ZNF827: variants seen among roughly 807,000 people sequenced by gnomAD.
ZNF827 encodes zinc finger protein 827.
A neutral mutation model predicts 102.4 loss-of-function variants in ZNF827; 13 were observed. The observed-to-expected ratio is 0.13, with a 90% CI of 0.08 to 0.20. ZNF827 has a LOEUF of 0.20. ZNF827 is among the 10% of genes least tolerant of loss of function. ZNF827 has a pLI of 1.00. For missense variants in ZNF827, 1,103 were observed against 1,344.4 expected (o/e 0.82, Z 2.81); for synonymous variants, 523 against 536.2 (o/e 0.98, Z 0.34).
At chr4:145,921,222 A>G (rs1753040095) in intron 1 of ZNF827, among the ~76,000 whole-genome samples, 1 of 152,238 alleles carries the variant, frequency 6.6e-6, no homozygotes, top group Admixed American at 6.5e-5. Flanking sequence ...CAGAACAGAT[A>G]GTTCAGTACG....
intron 1 of ZNF827, among the ~76,000 whole-genome samples, chr4:145,929,636 T>C (rs1030230838): frequency 6.6e-6 from 1 of 151,976 alleles, no homozygotes; most frequent in Non-Finnish European, 1.5e-5. Context: ...CTCACCACAC[T>C]AATGAGATAT....
chr4:145,860,230 C>G (rs1229379625), intron 5 of ZNF827, among the ~76,000 whole-genome samples: 1 of 152,198 alleles, frequency 6.6e-6, no homozygotes, highest in East Asian at 1.9e-4. Flanking sequence ...CTCTTCTTCT[C>G]AGTAATCCTT....
chr4:145,865,288 T>G (rs768002368), intron 5 of ZNF827, among the ~76,000 whole-genome samples: 4 of 152,224 alleles, frequency 2.6e-5, no homozygotes, highest in South Asian at 2.1e-4. Flanking sequence ...AAAAAGAATC[T>G]TCACTGAAGA....
At chr4:145,826,039 G>A (rs559119642) in intron 7 of ZNF827, among the ~76,000 whole-genome samples, 26 of 152,342 alleles carry the variant, frequency 1.7e-4, no homozygotes, top group Admixed American at 4.6e-4. Context: ...GCTACAGAGA[G>A]AAGATATTAG....
intron 1 of ZNF827, among the ~76,000 whole-genome samples, chr4:145,937,742 AGCC>A (rs1561098410): frequency 1.8e-5 from 2 of 111,142 alleles, no homozygotes; most frequent in Non-Finnish European, 1.8e-5. Context: ...CTCCTGCTCC[AGCC>A]GCCGCCGCCG....
chr4:145,921,218 A>G lies in ZNF827; in HGVS notation c.43+17147T>C, dbSNP rs967707648. Among the ~76,000 whole-genome samples the G allele has an allele frequency of 2.6e-4, 39 of 152,360 alleles. No homozygotes were observed. The East Asian group carries it at 5.2e-3, about 20-fold the overall frequency. On this transcript the variant is annotated intron_variant, in intron 1 of 14. Transcript: ENST00000508784. ...GAGGTATAAGTATGATTTGCAGAAC[A>G]GATAGTTCAGTACGAATAAAACAAG... is the stretch of plus-strand genomic sequence containing the variant.
Position 145,908,142 on chromosome 4 carries a change from G to C in ZNF827, c.44-4927C>G, listed in dbSNP as rs528421327. ...ATCTCAGAGCATCCTCGTTCAGAAA[G>C]ATTGTGAGTGCACAGTGAAAAAAAT... On this transcript the variant is annotated intron_variant, in intron 1 of 14. Coordinates refer to ENST00000508784, the MANE Select transcript of ZNF827 (RefSeq NM_001306215.2). Among the ~76,000 whole-genome samples, 44 of 152,098 alleles carry C rather than the reference G, an allele frequency of 2.9e-4. No individual in the cohort carries two copies. In the South Asian group the frequency reaches 5.4e-3, roughly 19 times the overall value.
Position 145,760,997 on chromosome 4 carries a change from G to A in ZNF827, c.*619C>T, listed in dbSNP as rs1359674439. The A allele has an allele frequency of 1.6e-6, 2 of 1,263,102 alleles. No homozygotes were observed. Among genetic ancestry groups the A allele is most frequent in the Non-Finnish European group, 2.1e-6 (2 of 974,938 alleles). 78.2% of individuals were successfully genotyped at this position (1,263,102 alleles called of 1,614,324 possible). On this transcript the variant is annotated 3_prime_UTR_variant, in exon 15 of 15. Coordinates refer to ENST00000508784, the MANE Select transcript of ZNF827 (RefSeq NM_001306215.2). ...GAGCCGTTGAAGGCCAAAGCCTTGAGTGCCAGGTTGGGCTCTGAGCTGCTG... is the reference window on the plus strand; with the variant it reads ...GAGCCGTTGAAGGCCAAAGCCTTGAATGCCAGGTTGGGCTCTGAGCTGCTG...
At chr4:145,882,890 A>AGCC (rs1300424893) in intron 4 of ZNF827, among the ~76,000 whole-genome samples, 1 of 152,196 alleles carries the variant, frequency 6.6e-6, no homozygotes, top group East Asian at 1.9e-4. Context: ...GCCCGAGACT[A>AGCC]GCCACTACTT....
intron 5 of ZNF827, among the ~76,000 whole-genome samples, chr4:145,857,009 ACT>A (rs1330217552): frequency 6.7e-6 from 1 of 148,430 alleles, no homozygotes; most frequent in African/African-American, 2.5e-5. Context: ...ACACACACAC[ACT>A]CTTATTCTTA....
chr4:145,809,166 T>C (rs758002786), intron 8 of ZNF827, among the ~76,000 whole-genome samples: 1 of 152,236 alleles, frequency 6.6e-6, no homozygotes, highest in Non-Finnish European at 1.5e-5. Flanking sequence ...AATATCCTCA[T>C]GATAGAAACT....
chr4:145,870,523 C>T (rs1301364748), intron 4 of ZNF827, 45 bp from the exon 5 acceptor site: 2 of 1,544,816 alleles, frequency 1.3e-6, no homozygotes, highest in East Asian at 4.5e-5. Flanking sequence ...AAAGGCCACT[C>T]CCCTCCTTAG....
intron 7 of ZNF827, among the ~76,000 whole-genome samples, chr4:145,833,850 A>AT (rs1416180346): frequency 2.0e-5 from 3 of 148,662 alleles, no homozygotes; most frequent in Admixed American, 2.0e-4. Flanking sequence ...CCTTATTTCC[A>AT]TGCCCTGACC....
intron 4 of ZNF827, among the ~76,000 whole-genome samples, chr4:145,878,294 T>G (rs1749330640): frequency 6.6e-6 from 1 of 152,020 alleles, no homozygotes; most frequent in African/African-American, 2.4e-5. Context: ...GTTCCAATTA[T>G]CAGACCCCAG....
Position 145,823,463 on chromosome 4 carries a change from A to C in ZNF827, c.2342T>G (p.Leu781Arg). Residue 781 changes from leucine (L) to arginine (R), a missense_variant, in exon 8 of 15, where the codon CTG (leucine) becomes CGG (arginine). Around this residue, in one of 5 missense-constraint regions of ZNF827, gnomAD observed 243 missense variants for 251.6 expected, o/e 0.97. Transcript: ENST00000508784. Reference sequence around the variant, plus strand: ...TCCGTGCAGCACGGAGTCACTGGGCAGCAGTTCTTTTGAATTGGAGGTGAA... The same window carrying C: ...TCCGTGCAGCACGGAGTCACTGGGCCGCAGTTCTTTTGAATTGGAGGTGAA... ...SPFTSNSKEL[L>R]PSDSVLHGRI... 6.2e-7 allele frequency: 1 copy of C among 1,610,004 alleles called. No homozygotes were observed. The highest frequency in any genetic ancestry group is 8.5e-7 in the Non-Finnish European group (1 of 1,177,736).
At chr4:145,783,496 C>T (rs1738400552) in intron 8 of ZNF827, among the ~76,000 whole-genome samples, 1 of 152,216 alleles carries the variant, frequency 6.6e-6, no homozygotes, top group Non-Finnish European at 1.5e-5. Flanking sequence ...ATTCTTACCT[C>T]TTCCCAATAG....
At chr4:145,881,118 T>G in intron 4 of ZNF827, among the ~76,000 whole-genome samples, 1 of 152,226 alleles carries the variant, frequency 6.6e-6, no homozygotes, top group East Asian at 1.9e-4. Flanking sequence ...ATGGAAGTTG[T>G]AGAACAAAGG....
intron 1 of ZNF827, among the ~76,000 whole-genome samples, chr4:145,920,054 T>G (rs1752950546): frequency 6.6e-6 from 1 of 152,256 alleles, no homozygotes; most frequent in Admixed American, 6.5e-5. Flanking sequence ...TACAGGGCTA[T>G]GTAAAGGTAA....
chr4:145,773,398 A>G (rs768807265), intron 11 of ZNF827, among the ~76,000 whole-genome samples: 1 of 152,196 alleles, frequency 6.6e-6, no homozygotes, highest in Non-Finnish European at 1.5e-5. Flanking sequence ...GGCCAGAGAA[A>G]CACAGAGAGA....
Sources: gnomAD v4.1 joint callset for allele counts (sites outside exome capture counted in the v4.1 genomes callset) on GRCh38, gnomAD v4.1.1 for gene constraint, gnomAD v4.1.1 regional missense constraint, MANE v1.5 for transcripts, NCBI Gene and HGNC (gene_info 2026-07-23, HGNC 2026-07-21) for gene names.